The following NSUN6 variants were observed in gnomAD, a reference collection of about 807,000 sequenced individuals.
NSUN6 encodes NOP2/Sun RNA methyltransferase 6.
NSUN6 carries 64 observed loss-of-function variants against 58.0 expected under a neutral mutation model. That is an observed-to-expected ratio of 1.10 (90% CI 0.90 to 1.36). The LOEUF (loss-of-function observed/expected upper bound fraction) is 1.36. NSUN6 is among the 40% of genes most tolerant of loss of function. The pLI is 0.00. For synonymous variants in NSUN6, 231 were observed against 193.9 expected, an observed-to-expected ratio of 1.19 and a Z score of -1.59; for missense variants, 701 against 550.1, an observed-to-expected ratio of 1.27 and a Z score of -2.74.
chr10:18,652,126 C>T, upstream of NSUN6: 1 of 985,164 alleles, frequency 1.0e-6, no homozygotes, highest in Non-Finnish European at 1.2e-6. Context: ...AACTTAAAAC[C>T]CACAGACAGT....
chr10:18,642,220 G>C (rs376597191), intron 3 of NSUN6, among the ~76,000 whole-genome samples: 1 of 151,908 alleles, frequency 6.6e-6, no homozygotes, highest in South Asian at 2.1e-4. Context: ...AGAAAGTGGG[G>C]GGGGGAAAAC....
intron 6 of NSUN6, among the ~76,000 whole-genome samples, chr10:18,597,722 C>T (rs1015662099): frequency 7.2e-5 from 11 of 152,008 alleles, no homozygotes; most frequent in African/African-American, 2.7e-4. Context: ...GCAGAGATAG[C>T]GTCAATGCAC....
In NSUN6 at chr10:18,616,293, T is replaced by C. The variant is rs1370319890; in HGVS notation, c.312A>G (p.Arg104=). 2 of 1,577,764 alleles carry C rather than the reference T, an allele frequency of 1.3e-6. No individual in the cohort carries two copies. The highest frequency in any genetic ancestry group is 1.7e-6 in the Non-Finnish European group (2 of 1,147,310). ...CACACTGTTGTTTTTTAATATTCTTTCTAGAAATGTAAGACACAAGAAGTT... is the reference window on the plus strand; with the variant it reads ...CACACTGTTGTTTTTTAATATTCTTCCTAGAAATGTAAGACACAAGAAGTT... ...DVLLIPVIGP[R]KNIKKQQCEA... is the part of the protein sequence containing the mutation. The change falls in exon 4 of 11, where the codon AGA becomes AGG. Residue 104 remains arginine, a splice_region_variant and synonymous_variant. Coordinates refer to ENST00000377304, the MANE Select transcript of NSUN6 (RefSeq NM_182543.5).
chr10:18,578,663 C>A (rs576442554), intron 8 of NSUN6, among the ~76,000 whole-genome samples: 4 of 152,300 alleles, frequency 2.6e-5, no homozygotes, highest in Non-Finnish European at 2.9e-5. Flanking sequence ...ATTCTCTCTA[C>A]TGAAATACCT....
intron 9 of NSUN6, among the ~76,000 whole-genome samples, chr10:18,548,475 T>C (rs1345211378): frequency 6.6e-6 from 1 of 152,204 alleles, no homozygotes; most frequent in Non-Finnish European, 1.5e-5. Context: ...TCCCCAAATA[T>C]AATCATTCAC....
intron 8 of NSUN6, among the ~76,000 whole-genome samples, chr10:18,575,696 C>T (rs1390564260): frequency 6.6e-6 from 1 of 152,128 alleles, no homozygotes; most frequent in African/African-American, 2.4e-5. Flanking sequence ...AAGTGTCTTC[C>T]TATTGCCCTG....
intron 1 of NSUN6, among the ~76,000 whole-genome samples, chr10:18,650,788 C>G (rs907255995): frequency 1.3e-5 from 2 of 152,236 alleles, no homozygotes; most frequent in African/African-American, 4.8e-5. Context: ...AACCTTTTCA[C>G]CTGAGTGCCA....
intron 8 of NSUN6, among the ~76,000 whole-genome samples, chr10:18,556,239 T>C (rs1166439216): frequency 1.4e-5 from 2 of 147,470 alleles, no homozygotes; most frequent in African/African-American, 5.0e-5. Context: ...TGGAATGGAA[T>C]GGAATGCGAA....
At chr10:18,598,758 A>C (rs951113845) in intron 6 of NSUN6, among the ~76,000 whole-genome samples, 9 of 152,064 alleles carry the variant, frequency 5.9e-5, no homozygotes, top group African/African-American at 2.4e-5. Context: ...GAGCCAGTAT[A>C]CCTGGCAGCA....
At chr10:18,580,414 G>C (rs1373942095) in intron 8 of NSUN6, among the ~76,000 whole-genome samples, 1 of 152,126 alleles carries the variant, frequency 6.6e-6, no homozygotes, top group Admixed American at 6.5e-5. Flanking sequence ...AAGGACTGTG[G>C]TCTCTCCCTA....
At chr10:18,588,192 T>G (rs188225046) in intron 7 of NSUN6, among the ~76,000 whole-genome samples, 2 of 152,326 alleles carry the variant, frequency 1.3e-5, no homozygotes, top group African/African-American at 2.4e-5. Context: ...AGCAAAGCAG[T>G]TGTGGCCAGA....
chr10:18,571,152 A>G (rs2056337990), intron 8 of NSUN6, among the ~76,000 whole-genome samples: 1 of 145,324 alleles, frequency 6.9e-6, no homozygotes, highest in South Asian at 2.2e-4. Flanking sequence ...TATCTATTCT[A>G]TTCCATTCTT....
chr10:18,649,128 C>T (rs1455685983), intron 1 of NSUN6, among the ~76,000 whole-genome samples: 1 of 152,152 alleles, frequency 6.6e-6, no homozygotes, highest in Non-Finnish European at 1.5e-5. Flanking sequence ...GATATAGTCA[C>T]TGTCATATAA....
intron 6 of NSUN6, among the ~76,000 whole-genome samples, chr10:18,600,503 T>C (rs1018162075): frequency 3.3e-5 from 5 of 152,098 alleles, no homozygotes; most frequent in African/African-American, 7.2e-5. Context: ...TGTGTACCTA[T>C]AGTACCAGCT....
chr10:18,557,293 G>C, intron 8 of NSUN6, among the ~76,000 whole-genome samples: 1 of 150,842 alleles, frequency 6.6e-6, no homozygotes, highest in Non-Finnish European at 1.5e-5. Context: ...GCAGTGGAGA[G>C]TGGAAGAGAA....
chr10:18,564,388 C>T (rs936441109), intron 8 of NSUN6, among the ~76,000 whole-genome samples: 4 of 148,582 alleles, frequency 2.7e-5, no homozygotes, highest in East Asian at 2.0e-4. Flanking sequence ...TCCATTCTCC[C>T]GTCCATTTTT....
At chr10:18,639,047 G>A (rs951762504) in intron 3 of NSUN6, among the ~76,000 whole-genome samples, 14 of 151,132 alleles carry the variant, frequency 9.3e-5, no homozygotes, top group Middle Eastern at 3.2e-3. Context: ...TTGAGCTCAG[G>A]AGTTTGAGAC....
At chr10:18,546,529 G>A (rs2054273004) in intron 10 of NSUN6, among the ~76,000 whole-genome samples, 1 of 152,114 alleles carries the variant, frequency 6.6e-6, no homozygotes, top group Admixed American at 6.5e-5. Context: ...AGTAACGAAG[G>A]TGGTATCACA....
chr10:18,582,611 TG>T (rs1258273746), intron 8 of NSUN6, among the ~76,000 whole-genome samples: 1 of 152,166 alleles, frequency 6.6e-6, no homozygotes, highest in African/African-American at 2.4e-5. Context: ...GATCAGATGG[TG>T]GGGCAACTTA....
Sources: allele counts gnomAD v4.1 joint callset (sites outside exome capture counted in the v4.1 genomes callset), GRCh38; gene constraint gnomAD v4.1.1; transcripts MANE v1.5; gene names NCBI Gene and HGNC (gene_info 2026-07-23, HGNC 2026-07-21).